The following TBX4 variants were observed in gnomAD, a reference collection of about 807,000 sequenced individuals.
TBX4 encodes the protein T-box transcription factor TBX4.
TBX4 carries 13 observed loss-of-function variants against 54.6 expected under a neutral mutation model. The ratio of observed to expected loss-of-function variants is 0.24; its 90% CI spans 0.15 to 0.38. The LOEUF is 0.38. Ranked by LOEUF, TBX4 falls within the 10% of genes least tolerant of loss-of-function variation. TBX4 has a pLI of 1.00. For synonymous variants in TBX4, 314 were observed against 306.7 expected (o/e 1.02, Z -0.25); for missense variants, 631 against 728.5 (o/e 0.87, Z 1.54).
chr17:61,455,624 C>T (rs1023717708), intron 1 of TBX4, among the ~76,000 whole-genome samples: 1 of 152,226 alleles, frequency 6.6e-6, no homozygotes, highest in African/African-American at 2.4e-5. Context: ...ATGGGCCCAG[C>T]CTGCTGGCCT....
chr17:61,457,656 G>A lies in TBX4; in HGVS notation c.281+25G>A, dbSNP rs1291716969. 1.2e-6 allele frequency: 2 copies of A among 1,610,272 alleles called. No homozygotes were observed. The highest frequency in any genetic ancestry group is 3.3e-5 in the Admixed American group (2 of 59,988). ...GGTCAGCGCTGGGAGATTTACTTCC[G>A]GGGATGGCGGTGGGGAGCAAGGGGG... On this transcript the variant is annotated intron_variant, in intron 3 of 8. Coordinates refer to ENST00000644296, the MANE Select transcript of TBX4 (RefSeq NM_001321120.2). The surrounding 1 kb of genome is among the most constrained non-coding windows in gnomAD (Gnocchi z 8.2).
Position 61,483,882 on chromosome 17 carries a change from G to A in TBX4, c.*366G>A, listed in dbSNP as rs909703086. On this transcript the variant is annotated 3_prime_UTR_variant, in exon 9 of 9. Transcript: ENST00000644296. This position sits in a 1 kb window ranked among gnomAD's most constrained non-coding sequence, Gnocchi z 6.6. Reference sequence around the variant, plus strand: ...GGTTGATTTACTCAGGGGCCAGGTGGGGAGTTCTCTCCCATGGGGAAAGAT... The same window carrying A: ...GGTTGATTTACTCAGGGGCCAGGTGAGGAGTTCTCTCCCATGGGGAAAGAT... The A allele has an allele frequency of 7.0e-6, 2 of 286,794 alleles. No homozygotes were observed. Among genetic ancestry groups the A allele is most frequent in the Non-Finnish European group, 1.4e-5 (2 of 147,212 alleles). 17.8% of individuals were successfully genotyped at this position (286,794 alleles called of 1,614,324 possible).
Position 61,484,937 on chromosome 17 carries a change from T to TATAA in TBX4, c.*1429_*1432dup, listed in dbSNP as rs1184628561. On this transcript the variant is annotated 3_prime_UTR_variant, in exon 9 of 9. Transcript: ENST00000644296. The surrounding 1 kb of genome is among the most constrained non-coding windows in gnomAD (Gnocchi z 4.1). ...AACTAAGAATGGTTTAGATAAAACA[T>TATAA]ATAAATAAATATATATATATATATA... 742 of 104,166 alleles carry TATAA rather than the reference T, an allele frequency of 7.1e-3. 8 individuals are homozygous for TATAA. Among genetic ancestry groups the TATAA allele is most frequent in the African/African-American group, 0.024 (675 of 27,906 alleles). The allele number at this position is 104,166 out of a possible 1,614,324, so 6.5% of individuals were successfully genotyped here.
chr17:61,453,418 GTAT>G (rs1198389341), intron 1 of TBX4, among the ~76,000 whole-genome samples: 2 of 152,080 alleles, frequency 1.3e-5, no homozygotes, highest in Non-Finnish European at 2.9e-5. Flanking sequence ...ATAATATAAT[GTAT>G]TATTGATACT....
rs1430452175 is a variant in TBX4 at position 61,485,032 on chromosome 17, G to A, written c.*1516G>A. On this transcript the variant is annotated 3_prime_UTR_variant, in exon 9 of 9. Coordinates refer to ENST00000644296, the MANE Select transcript of TBX4 (RefSeq NM_001321120.2). The surrounding 1 kb of genome is among the most constrained non-coding windows in gnomAD (Gnocchi z 4.6). ...AAACACATTAGCTAACAGGTGATAT[G>A]GAACTTCAAGTGTTTTGTTATATAG... is the stretch of plus-strand genomic sequence containing the variant. 2 of 151,014 alleles carry A rather than the reference G, an allele frequency of 1.3e-5. No homozygotes were observed. Among genetic ancestry groups the A allele is most frequent in the Non-Finnish European group, 2.9e-5 (2 of 67,860 alleles). The allele number at this position is 151,014 out of a possible 1,614,324, so 9.4% of individuals were successfully genotyped here. A position where few individuals can be genotyped will look rare whatever the true frequency, so the allele number is the denominator to read the frequency against.
rs74903643 is a variant in TBX4 at position 61,457,985 on chromosome 17, A to G, written c.281+354A>G. Among the ~76,000 whole-genome samples the G allele has an allele frequency of 7.9e-3, 1,203 of 152,336 alleles. 24 individuals are homozygous for G. The highest frequency in any genetic ancestry group is 0.028 in the African/African-American group (1,151 of 41,580). On this transcript the variant is annotated intron_variant, in intron 3 of 8. Transcript: ENST00000644296. This position sits in a 1 kb window ranked among gnomAD's most constrained non-coding sequence, Gnocchi z 8.2. Reference sequence around the variant, plus strand: ...ACCTGAGGAGGTTTCTCAGGAATGCATTGATTGGAGACCCAGAGATGCCTC... The same window carrying G: ...ACCTGAGGAGGTTTCTCAGGAATGCGTTGATTGGAGACCCAGAGATGCCTC...
rs1016753010 is a variant in TBX4, at chr17:61,465,364, G to A, written c.282-455G>A. On this transcript the variant is annotated intron_variant, in intron 3 of 8. Coordinates refer to ENST00000644296, the MANE Select transcript of TBX4 (RefSeq NM_001321120.2). This position sits in a 1 kb window ranked among gnomAD's most constrained non-coding sequence, Gnocchi z 4.9. Reference sequence around the variant, plus strand: ...ATTATTTATGGAAGCAGCTGACGGGGGTTTCCGTCCCCCTATAACTGCACC... The same window carrying A: ...ATTATTTATGGAAGCAGCTGACGGGAGTTTCCGTCCCCCTATAACTGCACC... Among the ~76,000 whole-genome samples, 1 of 152,204 alleles carries A rather than the reference G, an allele frequency of 6.6e-6. No homozygotes were observed. Among genetic ancestry groups the A allele is most frequent in the Non-Finnish European group, 1.5e-5 (1 of 68,038 alleles).
In TBX4 at chr17:61,460,988, C is replaced by T. The variant is rs2060490975; in HGVS notation, c.281+3357C>T. Among the ~76,000 whole-genome samples the T allele has an allele frequency of 1.3e-5, 2 of 152,324 alleles. No homozygotes were observed. Among genetic ancestry groups the T allele is most frequent in the South Asian group, 4.1e-4 (2 of 4,826 alleles). On this transcript the variant is annotated intron_variant, in intron 3 of 8. Transcript: ENST00000644296. The surrounding 1 kb of genome is among the most constrained non-coding windows in gnomAD (Gnocchi z 4.4). ...CCGGCTTAATCCGGGGCTTCAAAGC[C>T]AATTGCCCTCACTCTGTATACAGAG... is the stretch of plus-strand genomic sequence containing the variant.
In TBX4 at chr17:61,456,519, G is replaced by A; in HGVS notation, c.29G>A (p.Ser10Asn). 2 of 1,567,448 alleles carry A rather than the reference G, an allele frequency of 1.3e-6. No homozygotes were observed. The highest frequency in any genetic ancestry group is 1.7e-6 in the Non-Finnish European group (2 of 1,156,768). MLQDKGLSE[S>N]EEAFRAPGPA... ...CTGCAGGATAAGGGCCTGTCCGAGA[G>A]CGAGGAGGCCTTCCGGGCCCCGGGC... is the stretch of plus-strand genomic sequence containing the variant. Residue 10 changes from serine to asparagine, a missense_variant, in exon 2 of 9, where the codon AGC becomes AAC. This residue lies in a region of TBX4 where 123 missense variants were observed against 120.9 expected (regional missense o/e 1.02). Coordinates refer to ENST00000644296, the MANE Select transcript of TBX4 (RefSeq NM_001321120.2).
In TBX4 at chr17:61,474,570, T is replaced by C. The variant is rs2060605506; in HGVS notation, c.550-4057T>C. Among the ~76,000 whole-genome samples, 1 of 152,200 alleles carries C rather than the reference T, an allele frequency of 6.6e-6. No individual in the cohort carries two copies. Among genetic ancestry groups the C allele is most frequent in the African/African-American group, 2.4e-5 (1 of 41,446 alleles). On this transcript the variant is annotated intron_variant, in intron 5 of 8. Transcript: ENST00000644296. The surrounding 1 kb of genome is among the most constrained non-coding windows in gnomAD (Gnocchi z 4.6). The stretch of plus-strand genomic sequence containing the variant: ...GGCCAAGCACGCTATGGCGATCTCT[T>C]GAGGAGAGGGATGTTTGGCGCAATT...
rs1265890094 is a variant in TBX4 at position 61,478,169 on chromosome 17, T to C, written c.550-458T>C. On this transcript the variant is annotated intron_variant, in intron 5 of 8. Transcript: ENST00000644296. The surrounding 1 kb of genome is among the most constrained non-coding windows in gnomAD (Gnocchi z 7.4). ...GAGGGGGACCCCTGAGGGAGGGAGG[T>C]TACATGTTATGATCCCATTTACAAA... is the stretch of plus-strand genomic sequence containing the variant. 6.6e-6 allele frequency among the ~76,000 whole-genome samples: 1 copy of C among 151,464 alleles called. No individual in the cohort carries two copies. Among genetic ancestry groups the C allele is most frequent in the Non-Finnish European group, 1.5e-5 (1 of 67,872 alleles).
chr17:61,480,750 C>T lies in TBX4; in HGVS notation c.1021+431C>T, dbSNP rs1055272394. Among the ~76,000 whole-genome samples the T allele has an allele frequency of 4.6e-5, 7 of 152,172 alleles. No homozygotes were observed. The highest frequency in any genetic ancestry group is 1.7e-4 in the African/African-American group (7 of 41,418). ...AGAACAGGGAGGACTTGGTGTCTCA[C>T]GTGCAGGGCCTTCCACCCAATCATT... On this transcript the variant is annotated intron_variant, in intron 8 of 8. Coordinates refer to ENST00000644296, the MANE Select transcript of TBX4 (RefSeq NM_001321120.2). This position sits in a 1 kb window ranked among gnomAD's most constrained non-coding sequence, Gnocchi z 6.2.
At position 61,476,965 on chromosome 17, in the gene TBX4, G is replaced by T. The variant is rs1446215095; in HGVS notation, c.550-1662G>T. On this transcript the variant is annotated intron_variant, in intron 5 of 8. Transcript: ENST00000644296. The surrounding 1 kb of genome is among the most constrained non-coding windows in gnomAD (Gnocchi z 6.5). The stretch of plus-strand genomic sequence containing the variant: ...CAGACTAAGACTTTGGCCAAGGTTT[G>T]CCATAAAAGAGCCTGACTCTGGCCT... Among the ~76,000 whole-genome samples the T allele has an allele frequency of 6.6e-6, 1 of 152,240 alleles. No homozygotes were observed.
At chr17:61,482,417 T>C (rs2060669577) in intron 8 of TBX4, among the ~76,000 whole-genome samples, 1 of 152,258 alleles carries the variant, frequency 6.6e-6, no homozygotes, top group Non-Finnish European at 1.5e-5. Flanking sequence ...ACAAGTGGCT[T>C]TGGCTCCCTG....
chr17:61,453,745 G>A (rs2060429388), intron 1 of TBX4, among the ~76,000 whole-genome samples: 1 of 152,158 alleles, frequency 6.6e-6, no homozygotes, highest in East Asian at 1.9e-4. Flanking sequence ...GATACTGTCG[G>A]GGTGTGTTGA....
In TBX4 at chr17:61,465,408, G is replaced by A. The variant is rs911928515; in HGVS notation, c.282-411G>A. Among the ~76,000 whole-genome samples the A allele has an allele frequency of 1.3e-5, 2 of 152,224 alleles. No homozygotes were observed. The highest frequency in any genetic ancestry group is 2.4e-5 in the African/African-American group (1 of 41,452). On this transcript the variant is annotated intron_variant, in intron 3 of 8. Coordinates refer to ENST00000644296, the MANE Select transcript of TBX4 (RefSeq NM_001321120.2). This position sits in a 1 kb window ranked among gnomAD's most constrained non-coding sequence, Gnocchi z 4.9. Reference sequence around the variant, plus strand: ...CTGCACCCCAGAACTTCACTTGTGTGTGGGCTGGCAAAGGACAGGAGGGAA... The same window carrying A: ...CTGCACCCCAGAACTTCACTTGTGTATGGGCTGGCAAAGGACAGGAGGGAA...
intron 1 of TBX4, among the ~76,000 whole-genome samples, chr17:61,456,249 C>T (rs1388028642): frequency 1.3e-5 from 2 of 152,226 alleles, no homozygotes; most frequent in Non-Finnish European, 2.9e-5. Flanking sequence ...ACCCCACACC[C>T]AGGGGCAGGC....
intron 8 of TBX4, among the ~76,000 whole-genome samples, chr17:61,482,189 C>T (rs551416497): frequency 5.9e-5 from 9 of 152,294 alleles, no homozygotes; most frequent in Admixed American, 3.9e-4. Context: ...TGGAGGATGT[C>T]GAAAGGCACA....
Position 61,480,442 on chromosome 17 carries a change from G to T in TBX4, c.1021+123G>T, listed in dbSNP as rs1034006174. On this transcript the variant is annotated intron_variant, in intron 8 of 8. Transcript: ENST00000644296. The surrounding 1 kb of genome is among the most constrained non-coding windows in gnomAD (Gnocchi z 6.2). ...ACTCATCTCGTGCTTGTGTGGCCTG[G>T]GAGAGTGGGCCTGAAGGGTTAGGGA... The T allele has an allele frequency of 6.4e-5, 59 of 920,200 alleles. No individual in the cohort carries two copies. The African/African-American group carries it at 9.2e-4, about 14-fold the overall frequency. The allele number at this position is 920,200 out of a possible 1,614,324, so 57.0% of individuals were successfully genotyped here. A position where few individuals can be genotyped will look rare whatever the true frequency, so the allele number is the denominator to read the frequency against.
Sources: allele counts gnomAD v4.1 joint callset (sites outside exome capture counted in the v4.1 genomes callset), GRCh38; gene constraint gnomAD v4.1.1; regional missense constraint gnomAD v4.1.1; non-coding constraint Gnocchi (gnomAD v3.1); transcripts MANE v1.5; gene names NCBI Gene and HGNC (gene_info 2026-07-23, HGNC 2026-07-21).